MYH16: variants seen among roughly 807,000 people sequenced by gnomAD.
MYH16 encodes putative uncharacterized protein MYH16.
chr7:99,271,019 G>T (rs1792039899), exon 19 of MYH16: 1 of 152,668 alleles, frequency 6.6e-6, no homozygotes, highest in Non-Finnish European at 1.5e-5. Context: ...GTCTGGCCAA[G>T]ATCATGACGA....
intron 25 of MYH16, among the ~76,000 whole-genome samples, chr7:99,284,350 G>A (rs998301351): frequency 6.6e-5 from 10 of 152,150 alleles, no homozygotes; most frequent in African/African-American, 2.4e-4. Flanking sequence ...CAGCACTTTG[G>A]GATGCGAAGG....
intron 33 of MYH16, among the ~76,000 whole-genome samples, chr7:99,295,631 T>C (rs1361572455): frequency 6.6e-6 from 1 of 151,940 alleles, no homozygotes; most frequent in Non-Finnish European, 1.5e-5. Context: ...CGTGGCTCCA[T>C]GAAGTGGCCA....
chr7:99,302,365 T>C lies in MYH16; in HGVS notation n.5137+561T>C, dbSNP rs1162656321. 6.3e-4 allele frequency among the ~76,000 whole-genome samples: 56 copies of C among 88,602 alleles called. 1 individual carries two copies. Among genetic ancestry groups the C allele is most frequent in the Middle Eastern group, 0.012 (2 of 168 alleles). 58.1% of individuals were successfully genotyped at this position (88,602 alleles called of 152,430 possible). ...ACACACACACACACACACACACACA[T>C]CCCAACCTGGCCAACATGGTGAAAC... On this transcript the variant is annotated intron_variant and non_coding_transcript_variant, in intron 38 of 41. Coordinates refer to ENST00000439784, the Ensembl canonical transcript of MYH16.
intron 18 of MYH16, among the ~76,000 whole-genome samples, chr7:99,269,896 C>T (rs988783151): frequency 1.1e-4 from 12 of 113,624 alleles, no homozygotes; most frequent in African/African-American, 2.1e-4. Flanking sequence ...TTTTTTGAGA[C>T]GGAGTCTCAC....
chr7:99,249,261 T>G (rs1791778693), intron 4 of MYH16, among the ~76,000 whole-genome samples: 1 of 151,914 alleles, frequency 6.6e-6, no homozygotes, highest in African/African-American at 2.4e-5. Context: ...GTGTGTACCT[T>G]TGAGGCCAGG....
At chr7:99,260,251 G>A (rs527978463) in exon 12 of MYH16, 1 of 1,607,302 alleles carries the variant, frequency 6.2e-7, no homozygotes, top group South Asian at 1.1e-5. Flanking sequence ...GCTGGAGCAG[G>A]AGGAGTACAA....
intron 11 of MYH16, among the ~76,000 whole-genome samples, chr7:99,259,356 G>A (rs1326280853): frequency 6.6e-6 from 1 of 152,196 alleles, no homozygotes; most frequent in East Asian, 1.9e-4. Context: ...GCTTATGCCT[G>A]TAATCCCAGC....
exon 29 of MYH16, chr7:99,287,977 C>T (rs544828064): frequency 4.4e-6 from 2 of 456,636 alleles, no homozygotes; most frequent in Non-Finnish European, 8.8e-6. Context: ...GAGGCGACGG[C>T]CTCCACACTG....
intron 6 of MYH16, among the ~76,000 whole-genome samples, chr7:99,251,985 A>T (rs1422797641): frequency 6.6e-6 from 1 of 152,158 alleles, no homozygotes; most frequent in East Asian, 1.9e-4. Context: ...AGGGGGGATA[A>T]AAAGCATCTA....
chr7:99,291,158 TA>T (rs2150827662), intron 30 of MYH16, among the ~76,000 whole-genome samples, 164 bp from the exon 12 acceptor site: 1 of 152,308 alleles, frequency 6.6e-6, no homozygotes, highest in South Asian at 2.1e-4. Context: ...TGGGTTCACT[TA>T]ATTTGGAGGC....
chr7:99,303,746 G>A (rs910523424), intron 39 of MYH16, among the ~76,000 whole-genome samples: 5 of 152,190 alleles, frequency 3.3e-5, no homozygotes, highest in African/African-American at 1.2e-4. Context: ...AGGTTGCAGT[G>A]AGTCATGATC....
intron 19 of MYH16, among the ~76,000 whole-genome samples, chr7:99,272,265 G>A (rs1792056099): frequency 6.6e-6 from 1 of 152,128 alleles, no homozygotes; most frequent in South Asian, 2.1e-4. Context: ...ATGATGCTAT[G>A]AGAGGGGCAT....
intron 2 of MYH16, among the ~76,000 whole-genome samples, chr7:99,246,256 A>C: frequency 6.6e-6 from 1 of 152,016 alleles, no homozygotes. Context: ...GAAAGAAAAA[A>C]ACAGGTAAAA....
rs562490748 is a variant in MYH16, at chr7:99,282,256, C to A, written n.2992+1276C>A. Among the ~76,000 whole-genome samples, 4 of 152,240 alleles carry A rather than the reference C, an allele frequency of 2.6e-5. No individual in the cohort carries two copies. The South Asian group carries it at 8.3e-4, about 32-fold the overall frequency. On this transcript the variant is annotated intron_variant and non_coding_transcript_variant, in intron 23 of 41. Transcript: ENST00000439784. ...GGCCAGGCAGGCCTCGAACTCCTGACCTCAAGTGATCCTCCCACCTGAGCC... is the reference window on the plus strand; with the variant it reads ...GGCCAGGCAGGCCTCGAACTCCTGAACTCAAGTGATCCTCCCACCTGAGCC...
At chr7:99,308,116 T>G (rs1792706537), downstream of MYH16, among the ~76,000 whole-genome samples, 1 of 151,766 alleles carries the variant, frequency 6.6e-6, no homozygotes, top group Non-Finnish European at 1.5e-5. Context: ...TAAAGATACC[T>G]GAAACCCCAA....
intron 28 of MYH16, among the ~76,000 whole-genome samples, chr7:99,287,562 A>G (rs1792297187): frequency 6.7e-6 from 1 of 150,264 alleles, no homozygotes; most frequent in Non-Finnish European, 1.5e-5. Context: ...AAAAGGCATC[A>G]GTCATTAGCT....
chr7:99,300,593 A>G (rs1792576460), intron 37 of MYH16, among the ~76,000 whole-genome samples: 1 of 152,194 alleles, frequency 6.6e-6, no homozygotes, highest in Non-Finnish European at 1.5e-5. Context: ...GCTTGACGCC[A>G]GGCTTGAGTT....
At chr7:99,290,506 A>T (rs1320250264) in intron 30 of MYH16, among the ~76,000 whole-genome samples, 1 of 146,966 alleles carries the variant, frequency 6.8e-6, no homozygotes, top group Non-Finnish European at 1.5e-5. Context: ...AAAAAAAAAA[A>T]AATCAATATC....
At chr7:99,303,160 C>G (rs1792628305) in exon 39 of MYH16, 1 of 152,684 alleles carries the variant, frequency 6.5e-6, no homozygotes, top group East Asian at 1.9e-4. Context: ...TCCGCTTGAC[C>G]GAAGAGAGGG....
Sources: allele counts gnomAD v4.1 joint callset (sites outside exome capture counted in the v4.1 genomes callset), GRCh38; gene constraint gnomAD v4.1.1; transcripts MANE v1.5; gene names NCBI Gene and HGNC (gene_info 2026-07-23, HGNC 2026-07-21).